The following MYO18A variants were observed in gnomAD, a reference collection of about 807,000 sequenced individuals.
MYO18A encodes unconventional myosin-XVIIIa.
A neutral mutation model predicts 235.8 loss-of-function variants in MYO18A; 78 were observed. The ratio of observed to expected loss-of-function variants is 0.33; its 90% confidence interval spans 0.28 to 0.40. The LOEUF is 0.40. Ranked by LOEUF, MYO18A falls within the 10% of genes least tolerant of loss-of-function variation. MYO18A has a pLI of 1.00. For missense variants in MYO18A, 2,215 were observed against 2,699.3 expected, an observed-to-expected ratio of 0.82 and a Z score of 3.98; for synonymous variants, 977 against 1,077.8, an observed-to-expected ratio of 0.91 and a Z score of 1.83.
chr17:29,087,164 A>T (rs776924197), intron 37 of MYO18A, 43 bp from the exon 38 acceptor site: 1 of 1,579,390 alleles, frequency 6.3e-7, no homozygotes, highest in Non-Finnish European at 8.6e-7. Context: ...AGGCAGGCCC[A>T]TCAGCCAGGC....
chr17:29,101,974 C>A (rs1200798587), intron 21 of MYO18A, among the ~76,000 whole-genome samples: 3 of 152,140 alleles, frequency 2.0e-5, no homozygotes, highest in Non-Finnish European at 4.4e-5. Context: ...TCTCAGGGTC[C>A]CATGGCTCAG....
chr17:29,109,448 G>GA lies in MYO18A; in HGVS notation c.3331+409dup, dbSNP rs2066873901. Among the ~76,000 whole-genome samples the GA allele has an allele frequency of 6.6e-6, 1 of 152,178 alleles. No homozygotes were observed. The highest frequency in any genetic ancestry group is 2.1e-4 in the South Asian group (1 of 4,826). ...AAAGGGTCTGTCTGACCTTTCTTGG[G>GA]AATTTTAAGTACTTCAGAAAGATTT... On this transcript the variant is annotated intron_variant, in intron 19 of 41. Coordinates refer to ENST00000527372, the MANE Select transcript of MYO18A (RefSeq NM_078471.4). This position sits in a 1 kb window ranked among gnomAD's most constrained non-coding sequence, Gnocchi z 4.1.
rs142430455 is a variant in MYO18A, at chr17:29,154,121, T to TGTGTGTGTGCGCGCGCGCGC, written c.999+11820_999+11821insGCGCGCGCGCGCACACACAC. Among the ~76,000 whole-genome samples the TGTGTGTGTGCGCGCGCGCGC allele has an allele frequency of 4.0e-5, 6 of 149,108 alleles. No individual in the cohort carries two copies. In the East Asian group the frequency reaches 1.0e-3, roughly 25 times the overall value. ...TGCAGAGTGTGTGTGTGTGTGTGTG[T>TGTGTGTGTGCGCGCGCGCGC]GCGCGCGCGTGCGTGTGTATGTGGC... On this transcript the variant is annotated intron_variant, in intron 2 of 41. Transcript: ENST00000527372.
At chr17:29,104,589 G>A (rs545267998) in intron 20 of MYO18A, among the ~76,000 whole-genome samples, 56 of 152,248 alleles carry the variant, frequency 3.7e-4, no homozygotes, top group Admixed American at 1.4e-3. Context: ...TCAGGAGAGA[G>A]GCCTGGGCTA....
intron 2 of MYO18A, chr17:29,155,254 T>C (rs1040349122): frequency 3.9e-5 from 6 of 152,294 alleles, no homozygotes; most frequent in African/African-American, 9.7e-5. Flanking sequence ...CATCAAGGTG[T>C]CCTGACGTCC....
intron 2 of MYO18A, among the ~76,000 whole-genome samples, chr17:29,139,235 C>A (rs1423371472): frequency 6.6e-6 from 1 of 152,204 alleles, no homozygotes; most frequent in Non-Finnish European, 1.5e-5. Context: ...AACGACTGAA[C>A]CTGCTGGAGG....
intron 30 of MYO18A, 99 bp from the exon 31 acceptor site, chr17:29,094,189 TC>T: frequency 1.2e-6 from 1 of 820,652 alleles, no homozygotes. Context: ...GCCGAGAACG[TC>T]CACCAGCCAG....
chr17:29,097,581 G>A (rs913609428), intron 26 of MYO18A, among the ~76,000 whole-genome samples: 16 of 152,202 alleles, frequency 1.1e-4, no homozygotes, highest in Admixed American at 5.9e-4. Context: ...CTGGGACCAC[G>A]GCCCTCAGTC....
intron 34 of MYO18A, 85 bp from the exon 35 acceptor site, chr17:29,091,011 AGAGAAGAT>A: frequency 1.8e-6 from 2 of 1,093,702 alleles, no homozygotes; most frequent in Non-Finnish European, 2.7e-6. Context: ...GGGGCATTGT[AGAGAAGAT>A]GATAATGGGC....
At chr17:29,116,380 T>A (rs1420793679) in intron 11 of MYO18A, 64 bp downstream of exon 11, 110 of 1,601,626 alleles carry the variant, frequency 6.9e-5, no homozygotes, top group Non-Finnish European at 9.2e-5. Context: ...CAGACATATG[T>A]GCCTCAGCCA....
chr17:29,168,445 C>G (rs2068329257), intron 1 of MYO18A, among the ~76,000 whole-genome samples: 1 of 150,744 alleles, frequency 6.6e-6, no homozygotes, highest in South Asian at 2.1e-4. Context: ...TAGGCCATGC[C>G]ACCTAATTGG....
Position 29,088,784 on chromosome 17 carries a change from T to TC in MYO18A, c.5526+1176dup. 3.3e-5 allele frequency among the ~76,000 whole-genome samples: 5 copies of TC among 152,144 alleles called. No individual in the cohort carries two copies. In the Middle Eastern group the frequency reaches 0.01, roughly 313 times the overall value. On this transcript the variant is annotated intron_variant, in intron 37 of 41. Transcript: ENST00000527372. ...CCAGCATGGTGGCTCATGCCTGTAATCCCAACACTTTGGGAAGCTGAGGCA... is the reference window on the plus strand; with the variant it reads ...CCAGCATGGTGGCTCATGCCTGTAATCCCCAACACTTTGGGAAGCTGAGGCA...
In MYO18A at chr17:29,140,671, C is replaced by A; in HGVS notation, c.1000-18418G>T. 5.2e-6 allele frequency: 1 copy of A among 191,434 alleles called. No homozygotes were observed. Among genetic ancestry groups the A allele is most frequent in the Non-Finnish European group, 1.1e-5 (1 of 89,036 alleles). 11.9% of individuals were successfully genotyped at this position (191,434 alleles called of 1,614,324 possible). A position where few individuals can be genotyped will look rare whatever the true frequency, so the allele number is the denominator to read the frequency against. On this transcript the variant is annotated intron_variant, in intron 2 of 41. Transcript: ENST00000527372. The surrounding 1 kb of genome is among the most constrained non-coding windows in gnomAD (Gnocchi z 4.2). ...AGGGTGAGACTTGCCTATGGACACA[C>A]ACCCCAGCTCCGGGACAGCTGGGCT... is the stretch of plus-strand genomic sequence containing the variant.
At chr17:29,167,840 C>A (rs1338147629) in intron 1 of MYO18A, among the ~76,000 whole-genome samples, 3 of 152,178 alleles carry the variant, frequency 2.0e-5, no homozygotes, top group Non-Finnish European at 2.9e-5. Context: ...CCTAGAGTAG[C>A]ACCCTTAGCC....
At chr17:29,087,187 T>G (rs2066277162) in intron 37 of MYO18A, 66 bp from the exon 38 acceptor site, 1 of 1,525,898 alleles carries the variant, frequency 6.6e-7, no homozygotes, top group Admixed American at 1.8e-5. Context: ...AGGGAGGGTG[T>G]GGCAGAGCTC....
intron 2 of MYO18A, among the ~76,000 whole-genome samples, chr17:29,124,432 G>T (rs2067271566): frequency 6.6e-6 from 1 of 152,212 alleles, no homozygotes; most frequent in Non-Finnish European, 1.5e-5. Context: ...ACTCGGTCTA[G>T]ATGCTCCCCA....
rs957223598 is a variant in MYO18A at position 29,099,049 on chromosome 17, C to T, written c.3637-80G>A. ...CTCGGCCCAGGATCCTCCCCACCAC[C>T]AGCACAGGCCCCCAGGGCTGCTCCT... is the stretch of plus-strand genomic sequence containing the variant. On this transcript the variant is annotated intron_variant, in intron 22 of 41. Transcript: ENST00000527372. 70 of 1,560,634 alleles carry T rather than the reference C, an allele frequency of 4.5e-5. 1 individual carries two copies. In the South Asian group the frequency reaches 5.0e-4, roughly 11 times the overall value.
rs1230609917 is a variant in MYO18A at position 29,117,448 on chromosome 17, G to A, written c.2038+597C>T. On this transcript the variant is annotated intron_variant, in intron 10 of 41. Transcript: ENST00000527372. This position sits in a 1 kb window ranked among gnomAD's most constrained non-coding sequence, Gnocchi z 4.6. ...GCAAGCCCACCCTACCCCACCCCAC[G>A]GTGGGCATCCTGAGAGGTTCCAGGA... 2.0e-5 allele frequency among the ~76,000 whole-genome samples: 3 copies of A among 152,094 alleles called. No homozygotes were observed. The highest frequency in any genetic ancestry group is 1.9e-4 in the East Asian group (1 of 5,168).
intron 2 of MYO18A, among the ~76,000 whole-genome samples, chr17:29,145,196 C>T (rs552284411): frequency 2.1e-4 from 32 of 152,290 alleles, no homozygotes; most frequent in African/African-American, 6.7e-4. Flanking sequence ...TATCCCATCC[C>T]GTTCCCCAGC....
Sources: allele counts gnomAD v4.1 joint callset (sites outside exome capture counted in the v4.1 genomes callset), GRCh38; gene constraint gnomAD v4.1.1; non-coding constraint Gnocchi (gnomAD v3.1); transcripts MANE v1.5; gene names NCBI Gene and HGNC (gene_info 2026-07-23, HGNC 2026-07-21).